LAMA3: variants seen among roughly 807,000 people sequenced by gnomAD.
The protein encoded by LAMA3 is laminin subunit alpha 3, also known as laminin subunit alpha-3.
LAMA3 carries 281 observed loss-of-function variants against 402.0 expected under a neutral mutation model. The observed-to-expected ratio is 0.70, with a 90% CI of 0.63 to 0.77. The LOEUF (loss-of-function observed/expected upper bound fraction) is 0.77, where lower values mean the gene tolerates loss of function less well. Ranked by LOEUF, LAMA3 falls within the 30% of genes least tolerant of loss-of-function variation. The pLI is 0.00. For missense variants in LAMA3, 3,840 were observed against 4,215.5 expected (o/e 0.91, Z 2.47); for synonymous variants, 1,431 against 1,558.4 (o/e 0.92, Z 1.93).
intron 27 of LAMA3, among the ~76,000 whole-genome samples, chr18:23,840,549 A>G (rs1266344780): frequency 6.7e-6 from 1 of 149,352 alleles, no homozygotes; most frequent in Non-Finnish European, 1.5e-5. Context: ...TGCCCAGCTA[A>G]TTTTTTTTTT....
At chr18:23,717,491 T>G (rs1377363454) in intron 2 of LAMA3, among the ~76,000 whole-genome samples, 1 of 151,882 alleles carries the variant, frequency 6.6e-6, no homozygotes, top group Non-Finnish European at 1.5e-5. Context: ...TCATTGTTAT[T>G]TTTTTGGCCA....
At chr18:23,807,414 G>A (rs1048704297) in intron 12 of LAMA3, among the ~76,000 whole-genome samples, 1 of 152,082 alleles carries the variant, frequency 6.6e-6, no homozygotes, top group South Asian at 2.1e-4. Context: ...TACGTAGATA[G>A]AGCTTATCTA....
Position 23,943,827 on chromosome 18 carries a change from A to G in LAMA3, c.9066A>G (p.Arg3022=). 1 of 1,614,002 alleles carries G rather than the reference A, an allele frequency of 6.2e-7. No homozygotes were observed. The highest frequency in any genetic ancestry group is 1.1e-5 in the South Asian group (1 of 91,074). Residue 3022 remains arginine (R), a synonymous_variant, in exon 69 of 75, where the codon AGA becomes AGG. Transcript: ENST00000313654. The part of the protein sequence containing the change: ...FAVDMQTTSS[R]GLVFHTGTKN... The stretch of plus-strand genomic sequence containing the variant: ...TGGACATGCAGACAACATCCTCCAG[A>G]GGACTGGTGTTTCACACGGGCACTA...
rs779802070 is a variant in LAMA3 at position 23,689,869 on chromosome 18, C to T, written c.186C>T (p.Ala62=). ...TGGCCGAGGCGGCGAGGATTTGGGCCACCGCCACCTGCGGGGAGAGGGGAC... is the reference window on the plus strand; with the variant it reads ...TGGCCGAGGCGGCGAGGATTTGGGCTACCGCCACCTGCGGGGAGAGGGGAC... ...FNLAEAARIW[A]TATCGERGPG... The change falls in exon 1 of 75, where the codon GCC becomes GCT. Residue 62 remains alanine, a synonymous_variant. Transcript: ENST00000313654. 32 of 1,546,924 alleles carry T rather than the reference C, an allele frequency of 2.1e-5. No homozygotes were observed. Among genetic ancestry groups the T allele is most frequent in the South Asian group, 3.6e-5 (3 of 83,206 alleles).
intron 12 of LAMA3, among the ~76,000 whole-genome samples, chr18:23,807,786 T>TA (rs2062991735): frequency 3.9e-5 from 6 of 152,214 alleles, no homozygotes; most frequent in Admixed American, 3.9e-4. Context: ...TACTCTCATC[T>TA]AAAAAATACC....
At chr18:23,827,292 A>G (rs2063402116) in intron 22 of LAMA3, 22 bp from the exon 23 acceptor site, 1 of 1,613,654 alleles carries the variant, frequency 6.2e-7, no homozygotes, top group Non-Finnish European at 8.5e-7. Context: ...TATTGATTCC[A>G]TTGTTGTTGC....
intron 47 of LAMA3, 58 bp downstream of exon 47, chr18:23,899,513 G>A (rs746249877): frequency 4.7e-5 from 72 of 1,534,390 alleles, no homozygotes; most frequent in African/African-American, 2.6e-4. Flanking sequence ...GAAACACAAC[G>A]TGCAGAGTGC....
In LAMA3 at chr18:23,871,547, G is replaced by A. The variant is rs768300604; in HGVS notation, c.4884G>A (p.Arg1628=). 1 of 1,614,224 alleles carries A rather than the reference G, an allele frequency of 6.2e-7. No homozygotes were observed. Among genetic ancestry groups the A allele is most frequent in the Admixed American group, 1.7e-5 (1 of 60,020 alleles). The change falls in exon 38 of 75, where the codon AGG becomes AGA. Residue 1628 remains arginine, a synonymous_variant. Coordinates refer to ENST00000313654, the MANE Select transcript of LAMA3 (RefSeq NM_198129.4). ...IQGLYFTETQ[R]LTLSEVGLEE... is the part of the protein sequence containing the mutation. ...GCCTCTACTTCACAGAGACTCAAAG[G>A]CTCACCCTGAGCGAGGTGGGGCTAG...
At chr18:23,786,647 C>T (rs1021348058) in intron 12 of LAMA3, among the ~76,000 whole-genome samples, 91 of 152,094 alleles carry the variant, frequency 6.0e-4, no homozygotes, top group Non-Finnish European at 1.2e-4. Flanking sequence ...AAGAAGAAGA[C>T]AATAGAAACC....
intron 2 of LAMA3, among the ~76,000 whole-genome samples, chr18:23,736,892 C>T (rs941633507): frequency 2.0e-5 from 3 of 152,144 alleles, no homozygotes; most frequent in African/African-American, 7.2e-5. Context: ...CTTACTCCAG[C>T]CCAGAGGCCC....
rs75055093 is a variant in LAMA3, at chr18:23,710,530, T to C, written c.295-3390T>C. ...GCTCAAGAAAAATGATTAAGAAGGC[T>C]GCAAAGAGTTTTAACACTTAAGAAA... On this transcript the variant is annotated intron_variant, in intron 1 of 74. Transcript: ENST00000313654. 1.9e-3 allele frequency among the ~76,000 whole-genome samples: 287 copies of C among 152,326 alleles called. 1 individual carries two copies. The highest frequency in any genetic ancestry group is 6.6e-3 in the African/African-American group (273 of 41,580).
chr18:23,892,135 G>C (rs2080691853), intron 42 of LAMA3, among the ~76,000 whole-genome samples: 1 of 152,176 alleles, frequency 6.6e-6, no homozygotes, highest in Non-Finnish European at 1.5e-5. Flanking sequence ...AGTGTCTAAT[G>C]CTTAAAGATG....
At chr18:23,845,364 G>T (rs555656434) in intron 30 of LAMA3, among the ~76,000 whole-genome samples, 5 of 152,222 alleles carry the variant, frequency 3.3e-5, no homozygotes, top group Non-Finnish European at 5.9e-5. Context: ...ACGGGGGTCC[G>T]TACCCCAAGC....
In LAMA3 at chr18:23,714,072, G is replaced by A; in HGVS notation, c.447G>A (p.Gln149=). 1 of 1,613,480 alleles carries A rather than the reference G, an allele frequency of 6.2e-7. No individual in the cohort carries two copies. Among genetic ancestry groups the A allele is most frequent in the Non-Finnish European group, 8.5e-7 (1 of 1,179,708 alleles). The change falls in exon 2 of 75, where the codon CAG becomes CAA. Residue 149 remains glutamine (Q), a splice_region_variant and synonymous_variant. Coordinates refer to ENST00000313654, the MANE Select transcript of LAMA3 (RefSeq NM_198129.4). ...TCAACCTCACCTTGGATCTGGGGCA[G>A]GTGAGCTACACTTTTAACTGGAATG... ...NRVNLTLDLG[Q]LFHVAYILIK...
chr18:23,749,561 A>G lies in LAMA3; in HGVS notation c.684+15A>G, dbSNP rs560322447. ...AAAATGGTGAGGTAAGTAGATTTGG[A>G]AGACTGGGAGAGATAAGACTCAGAA... On this transcript the variant is annotated intron_variant, in intron 4 of 74. Transcript: ENST00000313654. 6.5e-5 allele frequency: 91 copies of G among 1,409,786 alleles called. No homozygotes were observed. In the South Asian group the frequency reaches 1.0e-3, roughly 16 times the overall value. 87.3% of individuals were successfully genotyped at this position (1,409,786 alleles called of 1,614,324 possible).
intron 32 of LAMA3, among the ~76,000 whole-genome samples, chr18:23,852,507 T>A (rs565461495): frequency 1.3e-5 from 2 of 152,354 alleles, no homozygotes; most frequent in African/African-American, 2.4e-5. Context: ...AGTGTTATTT[T>A]GTATGTGTTT....
chr18:23,824,606 TC>T, intron 21 of LAMA3, 41 bp downstream of exon 21: 1 of 1,608,638 alleles, frequency 6.2e-7, no homozygotes. Context: ...GCGGGATTCT[TC>T]CTACCTCAGA....
chr18:23,812,790 T>G (rs2063099421), intron 13 of LAMA3, among the ~76,000 whole-genome samples: 1 of 152,206 alleles, frequency 6.6e-6, no homozygotes, highest in African/African-American at 2.4e-5. Context: ...CCTAATCTCC[T>G]CCTTCATCAT....
intron 39 of LAMA3, among the ~76,000 whole-genome samples, chr18:23,880,408 G>A (rs535518174): frequency 1.3e-5 from 2 of 152,294 alleles, no homozygotes; most frequent in South Asian, 4.1e-4. Flanking sequence ...TAACATCTTA[G>A]TGTTTTGTGT....
Sources: gnomAD v4.1 joint callset for allele counts (sites outside exome capture counted in the v4.1 genomes callset) on GRCh38, gnomAD v4.1.1 for gene constraint, MANE v1.5 for transcripts, NCBI Gene and HGNC (gene_info 2026-07-23, HGNC 2026-07-21) for gene names.